The following KCNIP4 variants were observed in gnomAD, a reference collection of about 807,000 sequenced individuals.
KCNIP4 encodes the protein potassium voltage-gated channel interacting protein 4.
In KCNIP4, 12 loss-of-function variants were observed where a neutral mutation model predicts 34.0. That is an observed-to-expected ratio of 0.35 (90% confidence interval 0.23 to 0.57). The LOEUF (loss-of-function observed/expected upper bound fraction) is 0.57, where lower values mean the gene tolerates loss of function less well. KCNIP4 is among the 20% of genes least tolerant of loss of function. The pLI is 0.83. For missense variants in KCNIP4, 238 were observed against 311.7 expected (o/e 0.76, Z 1.78); for synonymous variants, 124 against 102.2 (o/e 1.21, Z -1.29).
chr4:20,777,946 G>C (rs770040512), intron 3 of KCNIP4, among the ~76,000 whole-genome samples: 2 of 152,156 alleles, frequency 1.3e-5, no homozygotes, highest in South Asian at 4.1e-4. Flanking sequence ...GCACAGCCTT[G>C]GTGGGAAGCT....
intron 1 of KCNIP4, chr4:21,851,400 G>C (rs1187098892): frequency 6.6e-6 from 1 of 152,102 alleles, no homozygotes; most frequent in Non-Finnish European, 1.5e-5. Context: ...TCACACTAGA[G>C]ACTAAGAAGG....
chr4:21,727,024 A>G (rs1236212715), intron 1 of KCNIP4, among the ~76,000 whole-genome samples: 1 of 150,942 alleles, frequency 6.6e-6, no homozygotes, highest in African/African-American at 2.4e-5. Flanking sequence ...TGGTAATCTG[A>G]TAACTTATTT....
intron 1 of KCNIP4, among the ~76,000 whole-genome samples, chr4:21,588,168 T>C (rs1036445478): frequency 6.6e-6 from 1 of 151,992 alleles, no homozygotes; most frequent in East Asian, 1.9e-4. Flanking sequence ...ACAAAATAAC[T>C]ACCAACATTA....
At chr4:21,319,471 A>G (rs1289679261) in intron 1 of KCNIP4, among the ~76,000 whole-genome samples, 1 of 152,160 alleles carries the variant, frequency 6.6e-6, no homozygotes, top group African/African-American at 2.4e-5. Flanking sequence ...CTTTTCCTAG[A>G]AACTCTTCTA....
At chr4:21,098,886 A>G (rs1747692294) in intron 1 of KCNIP4, among the ~76,000 whole-genome samples, 1 of 152,228 alleles carries the variant, frequency 6.6e-6, no homozygotes, top group Admixed American at 6.5e-5. Flanking sequence ...ATCACTGATC[A>G]TTAGAGAAAT....
chr4:21,146,422 G>A (rs1752361914), intron 1 of KCNIP4, among the ~76,000 whole-genome samples: 1 of 151,984 alleles, frequency 6.6e-6, no homozygotes, highest in Non-Finnish European at 1.5e-5. Context: ...AAAAGTGGAA[G>A]ACCAATAAGA....
intron 2 of KCNIP4, among the ~76,000 whole-genome samples, chr4:20,881,724 A>G (rs975802113): frequency 6.6e-6 from 1 of 152,238 alleles, no homozygotes; most frequent in Non-Finnish European, 1.5e-5. Flanking sequence ...GCTATAGTAC[A>G]CAGTGATTTA....
At chr4:21,778,799 T>C (rs1300228244) in intron 1 of KCNIP4, among the ~76,000 whole-genome samples, 2 of 152,202 alleles carry the variant, frequency 1.3e-5, no homozygotes. Context: ...CTAAATTTAC[T>C]GAGCTCTTAC....
At chr4:21,100,616 C>G (rs1393024254) in intron 1 of KCNIP4, among the ~76,000 whole-genome samples, 1 of 152,102 alleles carries the variant, frequency 6.6e-6, no homozygotes, top group African/African-American at 2.4e-5. Context: ...CATCCCTGAT[C>G]AGCCAGCAGC....
chr4:20,947,173 T>G (rs1033912327), intron 1 of KCNIP4, among the ~76,000 whole-genome samples: 1 of 152,008 alleles, frequency 6.6e-6, no homozygotes, highest in Non-Finnish European at 1.5e-5. Context: ...TTTTTTAGTT[T>G]TAGTTTTAGT....
intron 1 of KCNIP4, among the ~76,000 whole-genome samples, chr4:21,911,140 G>A (rs944595471): frequency 1.3e-5 from 2 of 151,962 alleles, no homozygotes; most frequent in East Asian, 3.9e-4. Context: ...AAATCGAAAA[G>A]TCCTCTTTAC....
At chr4:20,749,283 C>A (rs1753132315) in intron 5 of KCNIP4, among the ~76,000 whole-genome samples, 2 of 152,104 alleles carry the variant, frequency 1.3e-5, no homozygotes, top group Admixed American at 1.3e-4. Context: ...TGCCTGTGTG[C>A]CCCACTTACT....
At chr4:21,106,916 G>A (rs2109087498) in intron 1 of KCNIP4, among the ~76,000 whole-genome samples, 1 of 151,484 alleles carries the variant, frequency 6.6e-6, no homozygotes, top group Admixed American at 6.6e-5. Context: ...TTTTGAGTGA[G>A]TTTCTTAATC....
intron 1 of KCNIP4, among the ~76,000 whole-genome samples, chr4:21,119,780 G>C (rs1400287889): frequency 6.6e-6 from 1 of 151,936 alleles, no homozygotes; most frequent in Non-Finnish European, 1.5e-5. Flanking sequence ...GTAATTAGCA[G>C]GTTTAGTTAG....
chr4:21,273,867 G>A (rs969740084), intron 1 of KCNIP4, among the ~76,000 whole-genome samples: 2 of 152,140 alleles, frequency 1.3e-5, no homozygotes. Flanking sequence ...ACGTGTGTAT[G>A]TACATATGGA....
intron 1 of KCNIP4, among the ~76,000 whole-genome samples, chr4:21,617,347 G>T (rs1744676788): frequency 6.6e-6 from 1 of 152,140 alleles, no homozygotes; most frequent in African/African-American, 2.4e-5. Context: ...TTTCAGAAAA[G>T]AATATGGCAA....
intron 1 of KCNIP4, among the ~76,000 whole-genome samples, chr4:21,640,609 C>A (rs1422385164): frequency 2.0e-5 from 3 of 152,172 alleles, no homozygotes; most frequent in Non-Finnish European, 4.4e-5. Context: ...AACCAACCAA[C>A]CAACCAAACT....
rs781525552 is a variant in KCNIP4 at position 21,070,820 on chromosome 4, C to T, written c.62-188111G>A. On this transcript the variant is annotated intron_variant, in intron 1 of 8. Coordinates refer to ENST00000382152, the MANE Select transcript of KCNIP4 (RefSeq NM_025221.6). ...CCTCCTGAGTAGCTGGGACTATAGGCGCCGGCTACCATGCACGGCTAATTT... is the reference window on the plus strand; with the variant it reads ...CCTCCTGAGTAGCTGGGACTATAGGTGCCGGCTACCATGCACGGCTAATTT... Among the ~76,000 whole-genome samples the T allele has an allele frequency of 4.6e-5, 7 of 151,272 alleles. No individual in the cohort carries two copies. The East Asian group carries it at 9.8e-4, about 21-fold the overall frequency.
At chr4:20,976,913 A>G in intron 1 of KCNIP4, among the ~76,000 whole-genome samples, 1 of 152,112 alleles carries the variant, frequency 6.6e-6, no homozygotes, top group East Asian at 1.9e-4. Context: ...GGATCACTGT[A>G]TCCTCCACCT....
Sources: allele counts gnomAD v4.1 joint callset (sites outside exome capture counted in the v4.1 genomes callset), GRCh38; gene constraint gnomAD v4.1.1; transcripts MANE v1.5; gene names NCBI Gene and HGNC (gene_info 2026-07-23, HGNC 2026-07-21).